KIAA1217: variants seen among roughly 807,000 people sequenced by gnomAD.
KIAA1217 encodes sickle tail protein homolog.
Under a neutral mutation model 163.9 loss-of-function variants are expected in KIAA1217, and 88 were observed. That is an observed-to-expected ratio of 0.54 (90% CI 0.45 to 0.64). The LOEUF (loss-of-function observed/expected upper bound fraction) is 0.64. KIAA1217 is among the 30% of genes least tolerant of loss of function. The probability of loss-of-function intolerance (pLI) is 0.00; values close to 1 mark genes in which losing one functional copy is unlikely to be tolerated. For missense variants in KIAA1217, 2,372 were observed against 2,475.0 expected, an observed-to-expected ratio of 0.96 and a Z score of 0.88; for synonymous variants, 903 against 923.1, an observed-to-expected ratio of 0.98 and a Z score of 0.39.
chr10:23,877,838 T>C (rs893368652), intron 1 of KIAA1217, among the ~76,000 whole-genome samples: 13 of 151,976 alleles, frequency 8.6e-5, no homozygotes, highest in African/African-American at 3.1e-4. Context: ...AAAAGATTCA[T>C]ATTGTGATGC....
chr10:24,525,541 A>C (rs2072007141), intron 13 of KIAA1217, among the ~76,000 whole-genome samples: 1 of 152,208 alleles, frequency 6.6e-6, no homozygotes, highest in African/African-American at 2.4e-5. Context: ...TTTTTTTTAA[A>C]TGGCATCTTC....
At chr10:24,467,040 T>C (rs1379032999) in intron 5 of KIAA1217, among the ~76,000 whole-genome samples, 3 of 150,600 alleles carry the variant, frequency 2.0e-5, no homozygotes, top group South Asian at 4.2e-4. Context: ...AAATATTTTT[T>C]ATACTAGGTT....
intron 2 of KIAA1217, among the ~76,000 whole-genome samples, chr10:24,342,652 A>ATTTTT (rs11299912): frequency 1.1e-5 from 1 of 93,506 alleles, no homozygotes; most frequent in Non-Finnish European, 2.0e-5. Flanking sequence ...ATACAACTCA[A>ATTTTT]TTTTTTTTTT....
At chr10:23,956,662 G>A (rs922127472) in intron 1 of KIAA1217, among the ~76,000 whole-genome samples, 4 of 152,146 alleles carry the variant, frequency 2.6e-5, no homozygotes, top group African/African-American at 9.7e-5. Flanking sequence ...TCTTCAGGCT[G>A]TATGAGAAGC....
chr10:24,202,707 G>T (rs1321299132), intron 2 of KIAA1217, among the ~76,000 whole-genome samples: 1 of 152,150 alleles, frequency 6.6e-6, no homozygotes, highest in Non-Finnish European at 1.5e-5. Flanking sequence ...GCCCCCCAGG[G>T]AGGTCCCTGG....
chr10:23,760,169 C>T (rs1357167611), intron 1 of KIAA1217, among the ~76,000 whole-genome samples: 1 of 152,206 alleles, frequency 6.6e-6, no homozygotes, highest in Non-Finnish European at 1.5e-5. Context: ...GTGTGAAGAG[C>T]TGAAAGTGCA....
intron 2 of KIAA1217, among the ~76,000 whole-genome samples, chr10:24,156,907 G>T (rs2064902936): frequency 6.6e-6 from 1 of 152,074 alleles, no homozygotes; most frequent in Non-Finnish European, 1.5e-5. Flanking sequence ...CCATTTCTAG[G>T]AAACTGTGAG....
At chr10:24,317,760 A>C (rs968059423) in intron 2 of KIAA1217, among the ~76,000 whole-genome samples, 2 of 152,250 alleles carry the variant, frequency 1.3e-5, no homozygotes, top group Non-Finnish European at 2.9e-5. Flanking sequence ...TGTAGACTAA[A>C]AGAAACAGCT....
At chr10:23,841,827 C>CTTTAATTTAT (rs1838800126) in intron 1 of KIAA1217, among the ~76,000 whole-genome samples, 1 of 133,492 alleles carries the variant, frequency 7.5e-6, no homozygotes, top group Non-Finnish European at 1.6e-5. Context: ...ACCATTGGGA[C>CTTTAATTTAT]TTTATTTTAT....
At chr10:24,417,142 C>T (rs970402942) in intron 3 of KIAA1217, among the ~76,000 whole-genome samples, 2 of 152,016 alleles carry the variant, frequency 1.3e-5, no homozygotes, top group Non-Finnish European at 1.5e-5. Context: ...TGAAGGCCAG[C>T]GTGATATGAA....
chr10:24,312,434 G>A (rs1489457456), intron 2 of KIAA1217, among the ~76,000 whole-genome samples: 1 of 151,870 alleles, frequency 6.6e-6, no homozygotes, highest in African/African-American at 2.4e-5. Context: ...TGGGCAAGAT[G>A]GTAAAACCTC....
intron 13 of KIAA1217, among the ~76,000 whole-genome samples, chr10:24,526,290 G>A (rs1453207853): frequency 6.6e-6 from 1 of 152,090 alleles, no homozygotes; most frequent in Non-Finnish European, 1.5e-5. Context: ...TGTCGCAAGG[G>A]CCCTGGCTTG....
intron 2 of KIAA1217, among the ~76,000 whole-genome samples, chr10:24,090,112 G>A (rs898959730): frequency 3.3e-5 from 5 of 150,366 alleles, no homozygotes; most frequent in Non-Finnish European, 5.9e-5. Context: ...CTCAGTTGCT[G>A]GAATTTAGTA....
intron 1 of KIAA1217, among the ~76,000 whole-genome samples, chr10:23,988,302 T>A (rs1176151873): frequency 6.6e-6 from 1 of 152,240 alleles, no homozygotes; most frequent in Non-Finnish European, 1.5e-5. Flanking sequence ...GGAATTTTTT[T>A]AGCACTTTAA....
chr10:24,547,404 A>G lies in KIAA1217; in HGVS notation c.*1080A>G, dbSNP rs1454111742. Reference sequence around the variant, plus strand: ...ACAGCTAGAGTGTTTTTGTAAATAAATGTATTTGTATAACACAGTCATGTA... The same window carrying G: ...ACAGCTAGAGTGTTTTTGTAAATAAGTGTATTTGTATAACACAGTCATGTA... On this transcript the variant is annotated 3_prime_UTR_variant, in exon 21 of 21. Transcript: ENST00000376454. 1 of 152,644 alleles carries G rather than the reference A, an allele frequency of 6.6e-6. No individual in the cohort carries two copies. The highest frequency in any genetic ancestry group is 1.5e-5 in the Non-Finnish European group (1 of 68,048). 9.5% of individuals were successfully genotyped at this position (152,644 alleles called of 1,614,324 possible).
At chr10:24,377,159 C>T (rs963979216) in intron 2 of KIAA1217, among the ~76,000 whole-genome samples, 5 of 152,126 alleles carry the variant, frequency 3.3e-5, no homozygotes, top group African/African-American at 1.2e-4. Flanking sequence ...GTTCAGGTGG[C>T]CTGATTATAC....
intron 1 of KIAA1217, among the ~76,000 whole-genome samples, chr10:23,957,798 A>T (rs1415101391): frequency 6.6e-6 from 1 of 152,134 alleles, no homozygotes; most frequent in Non-Finnish European, 1.5e-5. Flanking sequence ...ACACCTTTGA[A>T]CACCCTTTGC....
At position 24,245,617 on chromosome 10, in the gene KIAA1217, CTCCCCT is replaced by C. The variant is rs146793846; in HGVS notation, c.354+25724_354+25729del. ...TCACAGGGATGTCAGATCTCATTTT[CTCCCCT>C]TCCCCTTCCCCTTCCTTTTCCTTTC... On this transcript the variant is annotated intron_variant, in intron 2 of 20. Transcript: ENST00000376454. 2.8e-3 allele frequency among the ~76,000 whole-genome samples: 423 copies of C among 152,152 alleles called. 5 individuals are homozygous for C. The East Asian group carries it at 0.054, about 19-fold the overall frequency.
At chr10:23,751,215 C>A (rs1448778029) in intron 1 of KIAA1217, among the ~76,000 whole-genome samples, 1 of 151,942 alleles carries the variant, frequency 6.6e-6, no homozygotes, top group East Asian at 1.9e-4. Flanking sequence ...TTTAGTAAAG[C>A]TGGGGTTTCT....
Sources: allele counts gnomAD v4.1 joint callset (sites outside exome capture counted in the v4.1 genomes callset), GRCh38; gene constraint gnomAD v4.1.1; transcripts MANE v1.5; gene names NCBI Gene and HGNC (gene_info 2026-07-23, HGNC 2026-07-21).